Variants in PLEKHA6 observed in about 807,000 individuals in gnomAD.
PLEKHA6 encodes pleckstrin homology domain containing A6.
PLEKHA6 carries 60 observed loss-of-function variants against 116.7 expected under a neutral mutation model. That is an observed-to-expected ratio of 0.51 (90% CI 0.42 to 0.64). The LOEUF (loss-of-function observed/expected upper bound fraction) is 0.64, where lower values mean the gene tolerates loss of function less well. Among genes scored for constraint, PLEKHA6 ranks in the 30% least tolerant of loss-of-function variants. The probability of loss-of-function intolerance (pLI) is 0.00; values close to 1 mark genes in which losing one functional copy is unlikely to be tolerated. For synonymous variants in PLEKHA6, 489 were observed against 556.1 expected, an observed-to-expected ratio of 0.88 and a Z score of 1.70; for missense variants, 1,338 against 1,422.7, an observed-to-expected ratio of 0.94 and a Z score of 0.96.
chr1:204,330,328 T>G (rs1672401354), intron 1 of PLEKHA6, among the ~76,000 whole-genome samples: 1 of 152,160 alleles, frequency 6.6e-6, no homozygotes, highest in South Asian at 2.1e-4. Flanking sequence ...GATGAAATAT[T>G]CAGCTGTCTA....
At chr1:204,225,408 T>C (rs1221847156) in intron 21 of PLEKHA6, among the ~76,000 whole-genome samples, 8 of 152,220 alleles carry the variant, frequency 5.3e-5, no homozygotes, top group Non-Finnish European at 8.8e-5. Context: ...ATGTGAATCA[T>C]ACAGATGTGA....
chr1:204,331,162 T>A (rs1298759840), intron 1 of PLEKHA6, among the ~76,000 whole-genome samples: 2 of 141,192 alleles, frequency 1.4e-5, no homozygotes, highest in East Asian at 2.0e-4. Context: ...ATCATGCCAC[T>A]GCACTCCAGC....
In PLEKHA6 at chr1:204,228,663, A is replaced by G; in HGVS notation, c.2885+65T>C. On this transcript the variant is annotated intron_variant, in intron 20 of 22. Transcript: ENST00000272203. This position sits in a 1 kb window ranked among gnomAD's most constrained non-coding sequence, Gnocchi z 4.0. ...AGGCTCTGTGCCCCCAACGACTTCT[A>G]GTGGCCCAGGTGTCCTAGGTGCCAG... 1 of 1,519,700 alleles carries G rather than the reference A, an allele frequency of 6.6e-7. No individual in the cohort carries two copies. Among genetic ancestry groups the G allele is most frequent in the Non-Finnish European group, 9.1e-7 (1 of 1,095,840 alleles). The allele number at this position is 1,519,700 out of a possible 1,614,324, so 94.1% of individuals were successfully genotyped here.
chr1:204,247,228 A>T, intron 13 of PLEKHA6, 137 bp downstream of exon 13: 1 of 589,302 alleles, frequency 1.7e-6, no homozygotes, highest in Non-Finnish European at 3.1e-6. Flanking sequence ...TGTGAGATGA[A>T]CCTAAAGCGT....
At position 204,259,977 on chromosome 1, in the gene PLEKHA6, G is replaced by GC. The variant is rs1168185873; in HGVS notation, c.525-238dup. Reference sequence around the variant, plus strand: ...TGCCCACACCTGCTGTGTTAACTCTGCCCCCCACGTCTTCTCTGCAGGTCA... The same window carrying GC: ...TGCCCACACCTGCTGTGTTAACTCTGCCCCCCCACGTCTTCTCTGCAGGTCA... On this transcript the variant is annotated intron_variant, in intron 7 of 22. Transcript: ENST00000272203. The surrounding 1 kb of genome is among the most constrained non-coding windows in gnomAD (Gnocchi z 4.6). 1.3e-5 allele frequency among the ~76,000 whole-genome samples: 2 copies of GC among 151,966 alleles called. No individual in the cohort carries two copies. Among genetic ancestry groups the GC allele is most frequent in the East Asian group, 1.9e-4 (1 of 5,190 alleles).
chr1:204,292,250 A>C (rs1003478491), intron 1 of PLEKHA6, among the ~76,000 whole-genome samples: 1 of 152,138 alleles, frequency 6.6e-6, no homozygotes, highest in African/African-American at 2.4e-5. Flanking sequence ...TCATTATCTC[A>C]TTTGGTTCTT....
chr1:204,279,123 G>A (rs1558127976), intron 1 of PLEKHA6, among the ~76,000 whole-genome samples: 1 of 152,142 alleles, frequency 6.6e-6, no homozygotes, highest in Non-Finnish European at 1.5e-5. Context: ...AGGAGGAGGG[G>A]GTAGGGGCGC....
intron 1 of PLEKHA6, among the ~76,000 whole-genome samples, chr1:204,341,033 T>C (rs985548122): frequency 6.6e-6 from 1 of 152,198 alleles, no homozygotes; most frequent in Non-Finnish European, 1.5e-5. Flanking sequence ...TATAGTCCTG[T>C]ACAGCACACC....
intron 1 of PLEKHA6, chr1:204,308,959 G>A (rs1200249202): frequency 2.7e-6 from 1 of 365,488 alleles, no homozygotes; most frequent in East Asian, 1.7e-4. Flanking sequence ...AAAGTGCTGG[G>A]ATTACAGGCG....
chr1:204,286,522 A>G (rs1669194705), intron 1 of PLEKHA6, among the ~76,000 whole-genome samples: 2 of 152,148 alleles, frequency 1.3e-5, no homozygotes, highest in African/African-American at 4.8e-5. Context: ...GAGCCTGCCT[A>G]CACCTGTTGG....
intron 3 of PLEKHA6, among the ~76,000 whole-genome samples, chr1:204,270,095 C>A (rs1050683795): frequency 6.6e-6 from 1 of 152,160 alleles, no homozygotes; most frequent in Non-Finnish European, 1.5e-5. Context: ...TAAGGCCACT[C>A]ACTCTAAAGC....
At chr1:204,321,871 C>G (rs1175617546) in intron 1 of PLEKHA6, among the ~76,000 whole-genome samples, 1 of 152,228 alleles carries the variant, frequency 6.6e-6, no homozygotes, top group Non-Finnish European at 1.5e-5. Flanking sequence ...TAAGGCAGTG[C>G]AGGCCCAAGT....
Position 204,273,622 on chromosome 1 carries a change from T to A in PLEKHA6, c.102+4A>T. ...CAACAGCTTGCCTTGAGGGCTGGACTTACCCGGACGCTGGGCCGCTCTGGA... is the reference window on the plus strand; with the variant it reads ...CAACAGCTTGCCTTGAGGGCTGGACATACCCGGACGCTGGGCCGCTCTGGA... On this transcript the variant is annotated splice_donor_region_variant and intron_variant, in intron 3 of 22. Coordinates refer to ENST00000272203, the MANE Select transcript of PLEKHA6 (RefSeq NM_014935.5). The A allele has an allele frequency of 6.2e-7, 1 of 1,607,532 alleles. No individual in the cohort carries two copies.
intron 15 of PLEKHA6, among the ~76,000 whole-genome samples, chr1:204,244,031 C>T (rs1026258556): frequency 3.3e-5 from 5 of 151,736 alleles, no homozygotes; most frequent in Non-Finnish European, 7.4e-5. Context: ...CTGTGTTAGC[C>T]AGGATGGTCT....
At chr1:204,230,899 C>T (rs1352639633) in intron 17 of PLEKHA6, among the ~76,000 whole-genome samples, 1 of 152,160 alleles carries the variant, frequency 6.6e-6, no homozygotes, top group Non-Finnish European at 1.5e-5. Context: ...TTCATTTACT[C>T]AGAAAGGAAT....
chr1:204,323,763 A>G (rs1458107769), intron 1 of PLEKHA6, among the ~76,000 whole-genome samples: 1 of 152,182 alleles, frequency 6.6e-6, no homozygotes, highest in Non-Finnish European at 1.5e-5. Flanking sequence ...TTGAGTGCAT[A>G]CTTGTGTGAG....
chr1:204,230,203 G>A (rs1448253018), intron 18 of PLEKHA6, among the ~76,000 whole-genome samples: 1 of 152,232 alleles, frequency 6.6e-6, no homozygotes, highest in East Asian at 1.9e-4. Context: ...CTTTTTGTGA[G>A]TTATTTTCTT....
chr1:204,278,260 T>C (rs55767546), intron 1 of PLEKHA6, among the ~76,000 whole-genome samples: 6,949 of 152,320 alleles, frequency 0.046, 218 homozygotes, highest in Middle Eastern at 0.13. Flanking sequence ...TTAAGTTCCT[T>C]GGTTTTCTGT....
In PLEKHA6 at chr1:204,261,480, T is replaced by C. The variant is rs1416313589; in HGVS notation, c.382-32A>G. 1 of 1,578,012 alleles carries C rather than the reference T, an allele frequency of 6.3e-7. No homozygotes were observed. Among genetic ancestry groups the C allele is most frequent in the South Asian group, 1.2e-5 (1 of 85,134 alleles). On this transcript the variant is annotated intron_variant, in intron 6 of 22. Transcript: ENST00000272203. This position sits in a 1 kb window ranked among gnomAD's most constrained non-coding sequence, Gnocchi z 4.0. Reference sequence around the variant, plus strand: ...GGAGAGGCAGCGTGTGGAGCTGGCCTCGGCCTCATCCACCCAGCACACAGT... The same window carrying C: ...GGAGAGGCAGCGTGTGGAGCTGGCCCCGGCCTCATCCACCCAGCACACAGT...
Sources: gnomAD v4.1 joint callset for allele counts (sites outside exome capture counted in the v4.1 genomes callset) on GRCh38, gnomAD v4.1.1 for gene constraint, Gnocchi (gnomAD v3.1) non-coding constraint, MANE v1.5 for transcripts, NCBI Gene and HGNC (gene_info 2026-07-23, HGNC 2026-07-21) for gene names.